The following DENND1A variants were observed in gnomAD, a reference collection of about 807,000 sequenced individuals.
The protein encoded by DENND1A is DENN domain-containing protein 1A.
DENND1A carries 51 observed loss-of-function variants against 113.7 expected under a neutral mutation model. The ratio of observed to expected loss-of-function variants is 0.45; its 90% confidence interval spans 0.36 to 0.57. The LOEUF (loss-of-function observed/expected upper bound fraction) is 0.57, where lower values mean the gene tolerates loss of function less well. Among genes scored for constraint, DENND1A ranks in the 20% least tolerant of loss-of-function variants. The pLI is 0.00. For synonymous variants in DENND1A, 565 were observed against 570.8 expected, an observed-to-expected ratio of 0.99 and a Z score of 0.14; for missense variants, 1,258 against 1,395.9, an observed-to-expected ratio of 0.90 and a Z score of 1.57.
chr9:123,880,599 G>A (rs374797832), intron 1 of DENND1A, among the ~76,000 whole-genome samples: 13 of 152,058 alleles, frequency 8.5e-5, no homozygotes, highest in African/African-American at 2.9e-4. Context: ...TATGCCCAGC[G>A]GCATCTACTT....
chr9:123,684,700 C>T (rs2064696479), intron 5 of DENND1A, among the ~76,000 whole-genome samples: 1 of 152,236 alleles, frequency 6.6e-6, no homozygotes, highest in South Asian at 2.1e-4. Flanking sequence ...CCAGTCCAAA[C>T]ATCACACATT....
chr9:123,689,043 G>A (rs568618467), intron 5 of DENND1A, among the ~76,000 whole-genome samples: 5 of 152,048 alleles, frequency 3.3e-5, no homozygotes, highest in South Asian at 2.1e-4. Context: ...TGTTTTTTCC[G>A]AGACAGAGTC....
intron 4 of DENND1A, chr9:123,759,328 G>A (rs573285048): frequency 6.6e-6 from 1 of 152,466 alleles, no homozygotes; most frequent in Admixed American, 6.5e-5. Context: ...AGAAATCGTG[G>A]GTACTCTTCT....
At chr9:123,774,054 G>A (rs1458447653) in intron 3 of DENND1A, among the ~76,000 whole-genome samples, 1 of 152,118 alleles carries the variant, frequency 6.6e-6, no homozygotes, top group South Asian at 2.1e-4. Flanking sequence ...AACATTTCCT[G>A]GGTTTCTTAT....
At chr9:123,407,292 T>C (rs527696065) in intron 20 of DENND1A, among the ~76,000 whole-genome samples, 2 of 152,038 alleles carry the variant, frequency 1.3e-5, no homozygotes, top group South Asian at 4.2e-4. Flanking sequence ...CACACCTGAC[T>C]AGTGTGGACA....
chr9:123,809,030 T>G (rs1192751870), intron 2 of DENND1A, among the ~76,000 whole-genome samples: 1 of 152,142 alleles, frequency 6.6e-6, no homozygotes, highest in Non-Finnish European at 1.5e-5. Flanking sequence ...GTTCTGCCAG[T>G]CAGATCCACC....
chr9:123,464,831 A>G (rs770931005), intron 13 of DENND1A, among the ~76,000 whole-genome samples: 6 of 151,928 alleles, frequency 3.9e-5, no homozygotes, highest in Non-Finnish European at 7.4e-5. Context: ...CTGACTTTGT[A>G]TAAGTTTGAA....
chr9:123,392,566 G>A (rs1375429528), intron 21 of DENND1A, among the ~76,000 whole-genome samples: 2 of 152,208 alleles, frequency 1.3e-5, no homozygotes, highest in Admixed American at 1.3e-4. Flanking sequence ...TGCCTGTCCG[G>A]TGGGTGCCAG....
rs138042431 is a variant in DENND1A at position 123,549,299 on chromosome 9, G to A, written c.993+8271C>T. On this transcript the variant is annotated intron_variant, in intron 13 of 23. Coordinates refer to ENST00000394215, the MANE Select transcript of DENND1A (RefSeq NM_001352964.2). The stretch of plus-strand genomic sequence containing the variant: ...CTCATCTTGCTGTACTGTACATAGT[G>A]TCTTAAGGTTCCTCAAACCTATTTT... Among the ~76,000 whole-genome samples the A allele has an allele frequency of 1.8e-4, 27 of 152,160 alleles. No homozygotes were observed. The Middle Eastern group carries it at 0.014, about 77-fold the overall frequency.
chr9:123,527,189 C>A (rs2054914896), intron 13 of DENND1A, among the ~76,000 whole-genome samples: 1 of 152,212 alleles, frequency 6.6e-6, no homozygotes, highest in South Asian at 2.1e-4. Context: ...CCTACAGTCA[C>A]TTCCCCAGTC....
intron 2 of DENND1A, among the ~76,000 whole-genome samples, chr9:123,870,476 T>C (rs1173709404): frequency 1.3e-5 from 2 of 150,304 alleles, no homozygotes; most frequent in African/African-American, 4.9e-5. Flanking sequence ...CTTGCTTTGT[T>C]GCCAGGCTGG....
chr9:123,622,344 C>A (rs2061003485), intron 10 of DENND1A, among the ~76,000 whole-genome samples: 1 of 152,158 alleles, frequency 6.6e-6, no homozygotes, highest in South Asian at 2.1e-4. Context: ...TTTAGGACTA[C>A]TTCTGAAGGA....
At chr9:123,435,978 G>A (rs993009916) in intron 19 of DENND1A, among the ~76,000 whole-genome samples, 14 of 152,224 alleles carry the variant, frequency 9.2e-5, no homozygotes, top group Non-Finnish European at 8.8e-5. Flanking sequence ...TAAATGTAGG[G>A]AGCAGAGCAG....
At chr9:123,534,631 C>T (rs930726218) in intron 13 of DENND1A, among the ~76,000 whole-genome samples, 4 of 148,962 alleles carry the variant, frequency 2.7e-5, no homozygotes, top group Non-Finnish European at 6.0e-5. Context: ...ACACACCTAC[C>T]TCAGCAATAT....
chr9:123,752,602 T>G (rs1174426054), intron 5 of DENND1A, among the ~76,000 whole-genome samples: 1 of 152,198 alleles, frequency 6.6e-6, no homozygotes, highest in Non-Finnish European at 1.5e-5. Flanking sequence ...ATTTAAACCT[T>G]TGAACTCCTG....
chr9:123,624,306 T>C (rs925656998), intron 10 of DENND1A, among the ~76,000 whole-genome samples: 2 of 152,208 alleles, frequency 1.3e-5, no homozygotes, highest in Non-Finnish European at 2.9e-5. Context: ...AACTCAATGG[T>C]GGTGAAAGTT....
intron 4 of DENND1A, among the ~76,000 whole-genome samples, chr9:123,761,166 A>C (rs1466437140): frequency 6.6e-6 from 1 of 152,230 alleles, no homozygotes; most frequent in African/African-American, 2.4e-5. Flanking sequence ...GCTACCCTAC[A>C]GGCTCAGAGA....
At position 123,809,637 on chromosome 9, in the gene DENND1A, A is replaced by G. The variant is rs577141306; in HGVS notation, c.89-17007T>C. On this transcript the variant is annotated intron_variant, in intron 2 of 23. Coordinates refer to ENST00000394215, the MANE Select transcript of DENND1A (RefSeq NM_001352964.2). ...GAAAACAATTATTAAAGATTTTTCA[A>G]TGGAGAAAAATTCTAAATTTAAGCA... is the stretch of plus-strand genomic sequence containing the variant. 5.3e-5 allele frequency among the ~76,000 whole-genome samples: 8 copies of G among 152,334 alleles called. No individual in the cohort carries two copies. The South Asian group carries it at 1.7e-3, about 32-fold the overall frequency.
At chr9:123,871,386 C>T (rs1052137530) in intron 2 of DENND1A, among the ~76,000 whole-genome samples, 2 of 152,156 alleles carry the variant, frequency 1.3e-5, no homozygotes, top group African/African-American at 4.8e-5. Context: ...ACCCAGCCAG[C>T]ATCATGTTTT....
Sources: gnomAD v4.1 joint callset for allele counts (sites outside exome capture counted in the v4.1 genomes callset) on GRCh38, gnomAD v4.1.1 for gene constraint, MANE v1.5 for transcripts, NCBI Gene and HGNC (gene_info 2026-07-23, HGNC 2026-07-21) for gene names.